The following TMEM156 variants were observed in gnomAD, a reference collection of about 807,000 sequenced individuals.
The protein encoded by TMEM156 is transmembrane protein 156.
In TMEM156, 28 loss-of-function variants were observed where a neutral mutation model predicts 30.5. The observed-to-expected ratio is 0.92, with a 90% CI of 0.68 to 1.26. TMEM156 has a LOEUF of 1.26. Ranked by LOEUF, TMEM156 falls within the 50% of genes most tolerant of loss-of-function variation. The pLI is 0.00. For synonymous variants in TMEM156, 137 were observed against 119.9 expected, an observed-to-expected ratio of 1.14 and a Z score of -0.93; for missense variants, 351 against 340.6, an observed-to-expected ratio of 1.03 and a Z score of -0.24.
Position 39,025,345 on chromosome 4 carries a change from CAAAAAA to C in TMEM156, c.88+6875_88+6880del, listed in dbSNP as rs59380844. ...CCTGGGTGACAGAGCAAGACTGTCT[CAAAAAA>C]AAAAAAAAAAAAAAAAAGATTGGAA... On this transcript the variant is annotated intron_variant, in intron 1 of 6. Coordinates refer to ENST00000381938, the MANE Select transcript of TMEM156 (RefSeq NM_024943.3). Among the ~76,000 whole-genome samples the C allele has an allele frequency of 1.8e-4, 12 of 65,766 alleles. No individual in the cohort carries two copies. In the Middle Eastern group the frequency reaches 0.028, roughly 155 times the overall value. The allele number at this position is 65,766 out of a possible 152,430, so 43.1% of individuals were successfully genotyped here.
chr4:39,001,832 G>A (rs1713386890), intron 1 of TMEM156, among the ~76,000 whole-genome samples: 1 of 149,306 alleles, frequency 6.7e-6, no homozygotes, highest in African/African-American at 2.4e-5. Context: ...CTAACCATAT[G>A]TAGAAAGCTG....
chr4:39,032,100 T>C (rs1438501127), intron 1 of TMEM156, 126 bp downstream of exon 1: 6 of 618,582 alleles, frequency 9.7e-6, no homozygotes, highest in Non-Finnish European at 1.7e-5. Context: ...GTTTTATTAG[T>C]TTTTCAGATC....
chr4:39,003,840 T>C (rs1713544940), intron 1 of TMEM156, among the ~76,000 whole-genome samples: 1 of 152,176 alleles, frequency 6.6e-6, no homozygotes, highest in Non-Finnish European at 1.5e-5. Flanking sequence ...CAATTTATAT[T>C]GCTATGATAT....
At chr4:38,970,144 GTT>G (rs199505277) in intron 6 of TMEM156, among the ~76,000 whole-genome samples, 15 of 131,482 alleles carry the variant, frequency 1.1e-4, no homozygotes, top group African/African-American at 4.2e-4. Context: ...GTGTGTGTGT[GTT>G]TGTGTGTGTG....
intron 5 of TMEM156, among the ~76,000 whole-genome samples, chr4:38,985,690 G>T (rs936546191): frequency 6.6e-6 from 1 of 152,054 alleles, no homozygotes; most frequent in Admixed American, 6.6e-5. Context: ...TGGTTTTCAC[G>T]GTCAAGGATA....
chr4:38,970,155 T>TGG (rs1722528495), intron 6 of TMEM156, among the ~76,000 whole-genome samples: 1 of 151,828 alleles, frequency 6.6e-6, no homozygotes, highest in Admixed American at 6.6e-5. Context: ...TTTGTGTGTG[T>TGG]GTGTGTGTGT....
In TMEM156 at chr4:39,032,334, T is replaced by A. The variant is rs1192025405; in HGVS notation, c.-21A>T. The A allele has an allele frequency of 1.3e-6, 2 of 1,483,504 alleles. No individual in the cohort carries two copies. Among genetic ancestry groups the A allele is most frequent in the African/African-American group, 2.8e-5 (2 of 72,286 alleles). 91.9% of individuals were successfully genotyped at this position (1,483,504 alleles called of 1,614,324 possible). ...GTCATGTCTCTTCACATGACACAAA[T>A]GTGTTCCCTTGCAGTACATTCATGG... On this transcript the variant is annotated 5_prime_UTR_variant, in exon 1 of 7. Transcript: ENST00000381938.
intron 1 of TMEM156, among the ~76,000 whole-genome samples, chr4:39,008,130 T>C (rs1713866423): frequency 6.6e-6 from 1 of 152,200 alleles, no homozygotes; most frequent in Admixed American, 6.5e-5. Flanking sequence ...ATACTTGTCT[T>C]ACTGCAATGT....
rs375314415 is a variant in TMEM156 at position 38,977,556 on chromosome 4, G to A, written c.824-6419C>T. Among the ~76,000 whole-genome samples, 53 of 152,232 alleles carry A rather than the reference G, an allele frequency of 3.5e-4. 1 individual carries two copies. The highest frequency in any genetic ancestry group is 7.5e-4 in the African/African-American group (31 of 41,546). On this transcript the variant is annotated intron_variant, in intron 5 of 6. Coordinates refer to ENST00000381938, the MANE Select transcript of TMEM156 (RefSeq NM_024943.3). ...ATGCCTTCTTCAGAATAGCTAAAACGGGTGGAAATTTTTTCTGGTTCTACA... is the reference window on the plus strand; with the variant it reads ...ATGCCTTCTTCAGAATAGCTAAAACAGGTGGAAATTTTTTCTGGTTCTACA...
intron 1 of TMEM156, among the ~76,000 whole-genome samples, chr4:39,025,991 A>G (rs1715179389): frequency 6.6e-6 from 1 of 152,216 alleles, no homozygotes; most frequent in Admixed American, 6.5e-5. Flanking sequence ...TTGCTCCCTC[A>G]ACAGATATTC....
rs143698162 is a variant in TMEM156, at chr4:39,012,193, A to G, written c.89-13284T>C. ...ATTTAAAAATGATATAGTACTTAAA[A>G]ATATATTAATGAAATACATTACATC... On this transcript the variant is annotated intron_variant, in intron 1 of 6. Coordinates refer to ENST00000381938, the MANE Select transcript of TMEM156 (RefSeq NM_024943.3). Among the ~76,000 whole-genome samples the G allele has an allele frequency of 1.1e-3, 160 of 152,354 alleles. 3 individuals carry two copies. The East Asian group carries it at 0.028, about 26-fold the overall frequency.
intron 3 of TMEM156, among the ~76,000 whole-genome samples, chr4:38,992,687 TAATATATTATATA>T: frequency 4.7e-5 from 2 of 42,216 alleles, no homozygotes; most frequent in African/African-American, 1.6e-4. Flanking sequence ...ATATATTATA[TAATATATTATATA>T]ATATATATAT....
At chr4:38,997,115 T>C (rs754467609) in intron 2 of TMEM156, among the ~76,000 whole-genome samples, 2 of 152,234 alleles carry the variant, frequency 1.3e-5, no homozygotes, top group Admixed American at 6.5e-5. Flanking sequence ...TGTTTTCACC[T>C]TTCAAGGAGG....
chr4:39,020,560 T>A (rs1164150237), intron 1 of TMEM156, among the ~76,000 whole-genome samples: 1 of 152,096 alleles, frequency 6.6e-6, no homozygotes, highest in Non-Finnish European at 1.5e-5. Flanking sequence ...TGAATTTTTT[T>A]TATTTTTTTT....
At chr4:38,971,836 C>G (rs1182876425) in intron 5 of TMEM156, among the ~76,000 whole-genome samples, 1 of 152,048 alleles carries the variant, frequency 6.6e-6, no homozygotes, top group Non-Finnish European at 1.5e-5. Flanking sequence ...GTTGCCCAGC[C>G]TAGAGTGCAA....
chr4:39,030,883 C>T (rs917774205), intron 1 of TMEM156, among the ~76,000 whole-genome samples: 13 of 152,204 alleles, frequency 8.5e-5, no homozygotes, highest in African/African-American at 2.4e-4. Context: ...TGGAATCAAG[C>T]ACTGAAAATA....
At chr4:39,020,721 T>C (rs563545804) in intron 1 of TMEM156, among the ~76,000 whole-genome samples, 82 of 152,224 alleles carry the variant, frequency 5.4e-4, no homozygotes, top group African/African-American at 1.9e-3. Context: ...AGCTAATTTT[T>C]GTATTTTTAG....
intron 5 of TMEM156, among the ~76,000 whole-genome samples, chr4:38,976,629 G>A (rs1349042115): frequency 6.6e-6 from 1 of 152,208 alleles, no homozygotes; most frequent in Non-Finnish European, 1.5e-5. Flanking sequence ...CACTAAGTGT[G>A]TGGTAATTGG....
chr4:39,023,865 AT>A (rs1715027909), intron 1 of TMEM156, among the ~76,000 whole-genome samples: 1 of 152,102 alleles, frequency 6.6e-6, no homozygotes, highest in Non-Finnish European at 1.5e-5. Flanking sequence ...AAAATAAAAA[AT>A]AAAAATAAAA....
Sources: allele counts gnomAD v4.1 joint callset (sites outside exome capture counted in the v4.1 genomes callset), GRCh38; gene constraint gnomAD v4.1.1; transcripts MANE v1.5; gene names NCBI Gene and HGNC (gene_info 2026-07-23, HGNC 2026-07-21).